LCLAT1: variants seen among roughly 807,000 people sequenced by gnomAD.
LCLAT1 encodes lysocardiolipin acyltransferase 1.
In LCLAT1, 11 loss-of-function variants were observed where a neutral mutation model predicts 30.7. That is an observed-to-expected ratio of 0.36 (90% confidence interval 0.23 to 0.59). The LOEUF is 0.59. Ranked by LOEUF, LCLAT1 falls within the 20% of genes least tolerant of loss-of-function variation. The pLI is 0.77. For missense variants in LCLAT1, 402 were observed against 458.6 expected, an observed-to-expected ratio of 0.88 and a Z score of 1.13; for synonymous variants, 155 against 151.3, an observed-to-expected ratio of 1.02 and a Z score of -0.18.
At chr2:30,554,703 T>C (rs537261269) in intron 3 of LCLAT1, among the ~76,000 whole-genome samples, 181 of 152,302 alleles carry the variant, frequency 1.2e-3, no homozygotes, top group Non-Finnish European at 1.7e-3. Flanking sequence ...TTCCTAAAAA[T>C]GGCTGCTATG....
At chr2:30,502,310 A>G (rs1322345865) in intron 1 of LCLAT1, among the ~76,000 whole-genome samples, 1 of 152,174 alleles carries the variant, frequency 6.6e-6, no homozygotes. Context: ...CCAGGGCAGA[A>G]GTGGTTAGTT....
At chr2:30,552,748 T>A (rs1664736742) in intron 3 of LCLAT1, 1 of 212,818 alleles carries the variant, frequency 4.7e-6, no homozygotes. Flanking sequence ...ACTTGTTACT[T>A]AACTCCCTGA....
At chr2:30,628,900 C>T (rs773902058) in intron 5 of LCLAT1, among the ~76,000 whole-genome samples, 12 of 152,120 alleles carry the variant, frequency 7.9e-5, no homozygotes, top group Non-Finnish European at 1.5e-4. Context: ...CTTGACTAGA[C>T]ACACACATGG....
intron 1 of LCLAT1, chr2:30,459,600 G>A: frequency 6.3e-7 from 1 of 1,574,856 alleles, no homozygotes; most frequent in South Asian, 1.1e-5. Flanking sequence ...GCAACAAATG[G>A]ATGATGTGAT....
rs1038652206 is a variant in LCLAT1, at chr2:30,586,774, C to T, written c.628+18598C>T. Among the ~76,000 whole-genome samples, 10 of 152,280 alleles carry T rather than the reference C, an allele frequency of 6.6e-5. No individual in the cohort carries two copies. The South Asian group carries it at 2.1e-3, about 32-fold the overall frequency. ...TCTCTTATCTTTAAGCTCTAACTTA[C>T]CAATCCTTCCTTATTGTCAGCATTT... On this transcript the variant is annotated intron_variant, in intron 5 of 5. Coordinates refer to ENST00000379509, the MANE Select transcript of LCLAT1 (RefSeq NM_001002257.3).
intron 1 of LCLAT1, among the ~76,000 whole-genome samples, chr2:30,521,740 C>T (rs181927863): frequency 1.8e-4 from 28 of 151,818 alleles, no homozygotes; most frequent in Admixed American, 1.8e-3. Context: ...CTCCTGACCT[C>T]GTGATCTGCT....
chr2:30,625,397 G>A (rs927269826), intron 5 of LCLAT1, among the ~76,000 whole-genome samples: 1 of 152,150 alleles, frequency 6.6e-6, no homozygotes, highest in African/African-American at 2.4e-5. Context: ...AATGAAATGA[G>A]AGCTATTACA....
At chr2:30,565,128 G>A (rs989434061) in intron 4 of LCLAT1, among the ~76,000 whole-genome samples, 10 of 152,284 alleles carry the variant, frequency 6.6e-5, no homozygotes, top group Admixed American at 5.9e-4. Context: ...TCTAGAGAAA[G>A]AGAACCAGTA....
At chr2:30,502,517 C>T (rs1684449353) in intron 1 of LCLAT1, among the ~76,000 whole-genome samples, 2 of 152,172 alleles carry the variant, frequency 1.3e-5, no homozygotes, top group Non-Finnish European at 1.5e-5. Flanking sequence ...GTAGTCACCT[C>T]ACATTCCCAC....
chr2:30,564,199 A>G (rs1665370003), intron 4 of LCLAT1, among the ~76,000 whole-genome samples: 1 of 152,144 alleles, frequency 6.6e-6, no homozygotes, highest in Admixed American at 6.5e-5. Context: ...CTAAATTTTG[A>G]TATTGAAATA....
intron 1 of LCLAT1, among the ~76,000 whole-genome samples, chr2:30,523,684 A>G (rs1685578921): frequency 6.6e-6 from 1 of 152,194 alleles, no homozygotes; most frequent in South Asian, 2.1e-4. Flanking sequence ...CCTGGCCAAC[A>G]TGGTGAAACC....
intron 5 of LCLAT1, among the ~76,000 whole-genome samples, chr2:30,605,791 C>T (rs995259303): frequency 6.6e-6 from 1 of 152,140 alleles, no homozygotes; most frequent in Non-Finnish European, 1.5e-5. Flanking sequence ...TGGTCCCCAA[C>T]CTTTTTGGCA....
intron 5 of LCLAT1, among the ~76,000 whole-genome samples, chr2:30,629,996 A>G (rs1409216397): frequency 6.6e-6 from 1 of 152,140 alleles, no homozygotes; most frequent in Non-Finnish European, 1.5e-5. Context: ...GGCCATAACA[A>G]GATAACACAG....
intron 1 of LCLAT1, among the ~76,000 whole-genome samples, chr2:30,456,691 G>GTATA (rs1262544574): frequency 6.6e-6 from 1 of 152,004 alleles, no homozygotes; most frequent in Non-Finnish European, 1.5e-5. Flanking sequence ...GGTTGTCTGT[G>GTATA]GTATACGATG....
intron 5 of LCLAT1, among the ~76,000 whole-genome samples, chr2:30,591,132 G>A (rs571982244): frequency 2.1e-4 from 32 of 151,606 alleles, no homozygotes; most frequent in African/African-American, 6.8e-4. Context: ...GACTTTTGCA[G>A]TTTAGGGCAT....
rs139228736 is a variant in LCLAT1 at position 30,640,594 on chromosome 2, A to G, written c.1106A>G (p.His369Arg). ...ACYRLLHKQP[H>R]LNSKKNE ...TACCGACTTTTACACAAACAGCCAC[A>G]TTTAAATTCAAAGAAAAATGAGTAA... Residue 369 changes from histidine (H) to arginine (R), a missense_variant, in exon 6 of 6, where the codon CAT becomes CGT. Transcript: ENST00000379509. The G allele has an allele frequency of 5.6e-6, 9 of 1,605,214 alleles. No individual in the cohort carries two copies. Among genetic ancestry groups the G allele is most frequent in the Non-Finnish European group, 6.8e-6 (8 of 1,176,924 alleles).
chr2:30,507,568 A>G (rs1250074225), intron 1 of LCLAT1, among the ~76,000 whole-genome samples: 1 of 151,866 alleles, frequency 6.6e-6, no homozygotes, highest in Non-Finnish European at 1.5e-5. Context: ...TGGTATTTGG[A>G]TTTCTGTTCC....
intron 5 of LCLAT1, among the ~76,000 whole-genome samples, chr2:30,635,212 C>T (rs1479773574): frequency 1.3e-5 from 2 of 150,846 alleles, no homozygotes; most frequent in Non-Finnish European, 3.0e-5. Flanking sequence ...AGTGACATAG[C>T]AAGACCCCTG....
At chr2:30,604,960 C>G (rs1420289377) in intron 5 of LCLAT1, among the ~76,000 whole-genome samples, 1 of 152,214 alleles carries the variant, frequency 6.6e-6, no homozygotes, top group Non-Finnish European at 1.5e-5. Flanking sequence ...TTGCCGCCCC[C>G]ACACACAGGT....
Sources: gnomAD v4.1 joint callset for allele counts (sites outside exome capture counted in the v4.1 genomes callset) on GRCh38, gnomAD v4.1.1 for gene constraint, MANE v1.5 for transcripts, NCBI Gene and HGNC (gene_info 2026-07-23, HGNC 2026-07-21) for gene names.